PNPLA6: variants seen among roughly 807,000 people sequenced by gnomAD.
PNPLA6 encodes the protein patatin like domain 6, lysophospholipase.
A neutral mutation model predicts 153.7 loss-of-function variants in PNPLA6; 105 were observed. The ratio of observed to expected loss-of-function variants is 0.68; its 90% confidence interval spans 0.58 to 0.80. PNPLA6 has a LOEUF of 0.80. Ranked by LOEUF, PNPLA6 falls within the 30% of genes least tolerant of loss-of-function variation. The probability of loss-of-function intolerance (pLI) is 0.00; values close to 1 mark genes in which losing one functional copy is unlikely to be tolerated. For missense variants in PNPLA6, 1,423 were observed against 1,919.3 expected, an observed-to-expected ratio of 0.74 and a Z score of 4.83; for synonymous variants, 825 against 822.2, an observed-to-expected ratio of 1.00 and a Z score of -0.06.
chr19:7,541,759 T>C lies in PNPLA6; in HGVS notation c.1168+75T>C. ...TCTCAGCCGCCAGCCCCTTTTTCAG[T>C]TCTGCATAGAGTCAACCTGACCTTG... On this transcript the variant is annotated intron_variant, in intron 9 of 31. Coordinates refer to ENST00000600737, the MANE Select transcript of PNPLA6 (RefSeq NM_001166114.2). This position sits in a 1 kb window ranked among gnomAD's most constrained non-coding sequence, Gnocchi z 5.2. 6.8e-7 allele frequency: 1 copy of C among 1,480,974 alleles called. No individual in the cohort carries two copies. Among genetic ancestry groups the C allele is most frequent in the Non-Finnish European group, 9.1e-7 (1 of 1,095,130 alleles). The allele number at this position is 1,480,974 out of a possible 1,614,324, so 91.7% of individuals were successfully genotyped here.
chr19:7,559,228 GA>G (rs1194450802), intron 28 of PNPLA6, 77 bp downstream of exon 28: 4 of 1,250,532 alleles, frequency 3.2e-6, no homozygotes, highest in Admixed American at 1.7e-5. Flanking sequence ...AGAGTGGTAT[GA>G]GGGGGAGGAA....
rs1312058418 is a variant in PNPLA6, at chr19:7,539,915, C to T, written c.414-3C>T. Reference sequence around the variant, plus strand: ...ACCCCCGGCACCCCTCCCCTCCCACCAGGATCCTGCGCATCCAGAAAGAGA... The same window carrying T: ...ACCCCCGGCACCCCTCCCCTCCCACTAGGATCCTGCGCATCCAGAAAGAGA... On this transcript the variant is annotated splice_polypyrimidine_tract_variant and splice_region_variant and intron_variant, in intron 3 of 31. Coordinates refer to ENST00000600737, the MANE Select transcript of PNPLA6 (RefSeq NM_001166114.2). 1 of 1,543,216 alleles carries T rather than the reference C, an allele frequency of 6.5e-7. No homozygotes were observed. The highest frequency in any genetic ancestry group is 8.7e-7 in the Non-Finnish European group (1 of 1,147,158).
In PNPLA6 at chr19:7,553,903, G is replaced by A. The variant is rs771388697; in HGVS notation, c.2289G>A (p.Ser763=). 11 of 1,614,208 alleles carry A rather than the reference G, an allele frequency of 6.8e-6. No individual in the cohort carries two copies. Among genetic ancestry groups the A allele is most frequent in the South Asian group, 2.2e-5 (2 of 91,082 alleles). ...CTGGGTTGGGTGTGCCCCCACACTC[G>A]GAACTCACCAACCCAGCCAGCAACC... ...PGSGLGVPPH[S]ELTNPASNLA... is the part of the protein sequence containing the mutation. Residue 763 remains serine (S), a synonymous_variant, in exon 19 of 32, where the codon TCG becomes TCA. Transcript: ENST00000600737.
Position 7,556,908 on chromosome 19 carries a change from G to C in PNPLA6, c.3280+184G>C. 8.7e-6 allele frequency: 6 copies of C among 692,324 alleles called. No individual in the cohort carries two copies. The Admixed American group carries it at 1.2e-4, about 14-fold the overall frequency. The allele number at this position is 692,324 out of a possible 1,614,324, so 42.9% of individuals were successfully genotyped here. A position where few individuals can be genotyped will look rare whatever the true frequency, so the allele number is the denominator to read the frequency against. On this transcript the variant is annotated intron_variant, in intron 26 of 31. Transcript: ENST00000600737. ...GAGACCCCAGGTACGTCCGTCCTTGGGGGAGGGGAGCAGGGAGACTCGTCG... is the reference window on the plus strand; with the variant it reads ...GAGACCCCAGGTACGTCCGTCCTTGCGGGAGGGGAGCAGGGAGACTCGTCG...
chr19:7,560,857 C>T (rs982891348), intron 29 of PNPLA6, 93 bp downstream of exon 29: 6 of 923,472 alleles, frequency 6.5e-6, no homozygotes, highest in Non-Finnish European at 1.1e-5. Flanking sequence ...GATGACCCCA[C>T]ATGTCCCTGG....
rs1241718210 is a variant in PNPLA6 at position 7,545,043 on chromosome 19, C to T, written c.1608+1959C>T. 1.4e-4 allele frequency among the ~76,000 whole-genome samples: 21 copies of T among 146,872 alleles called. No individual in the cohort carries two copies. The South Asian group carries it at 3.9e-3, about 27-fold the overall frequency. ...TCTCCTTGAAACTTTTTTTTTTTTT[C>T]GGAGACGGAGTCTTGCTCTGTCGCC... On this transcript the variant is annotated intron_variant, in intron 13 of 31. Coordinates refer to ENST00000600737, the MANE Select transcript of PNPLA6 (RefSeq NM_001166114.2).
At position 7,551,342 on chromosome 19, in the gene PNPLA6, C is replaced by G. The variant is rs2023642040; in HGVS notation, c.2185-20C>G. On this transcript the variant is annotated intron_variant, in intron 17 of 31. Transcript: ENST00000600737. ...CCGCTTCCCAGGTCTCACTGAAATG[C>G]CGGCCTCCAACGCCCCCAGGTCGTG... The G allele has an allele frequency of 2.5e-6, 4 of 1,612,266 alleles. No homozygotes were observed. In the South Asian group the frequency reaches 3.3e-5, roughly 13 times the overall value.
At chr19:7,534,486 C>T (rs1468467811), upstream of PNPLA6, 7 of 155,816 alleles carry the variant, frequency 4.5e-5, no homozygotes, top group Admixed American at 3.1e-4. Context: ...TCTCCCGGCC[C>T]CCGAATTTCC....
At chr19:7,548,638 G>C (rs190494838) in intron 13 of PNPLA6, among the ~76,000 whole-genome samples, 6 of 151,744 alleles carry the variant, frequency 4.0e-5, no homozygotes, top group Non-Finnish European at 8.8e-5. Flanking sequence ...AATGGTCTGC[G>C]CAGGTGCAAT....
In PNPLA6 at chr19:7,551,283, C is replaced by G. The variant is rs2023638782; in HGVS notation, c.2185-79C>G. The stretch of plus-strand genomic sequence containing the variant: ...ACCCAGGTAACGGGCACCCAGGAGC[C>G]CCGGCATAGGAGGGAGAGGTGGGAC... On this transcript the variant is annotated intron_variant, in intron 17 of 31. Coordinates refer to ENST00000600737, the MANE Select transcript of PNPLA6 (RefSeq NM_001166114.2). 2.8e-6 allele frequency: 4 copies of G among 1,444,334 alleles called. No homozygotes were observed. The South Asian group carries it at 4.6e-5, about 17-fold the overall frequency. 89.5% of individuals were successfully genotyped at this position (1,444,334 alleles called of 1,614,324 possible). A position where few individuals can be genotyped will look rare whatever the true frequency, so the allele number is the denominator to read the frequency against.
chr19:7,538,635 A>T (rs2146045131), intron 3 of PNPLA6, among the ~76,000 whole-genome samples: 1 of 152,256 alleles, frequency 6.6e-6, no homozygotes, highest in Admixed American at 6.5e-5. Flanking sequence ...GTCCACGATT[A>T]GCAGAGGGGC....
At chr19:7,556,918 G>A in intron 26 of PNPLA6, 194 bp downstream of exon 26, 1 of 689,070 alleles carries the variant, frequency 1.5e-6, no homozygotes, top group South Asian at 1.5e-5. Flanking sequence ...GGGGAGGGGA[G>A]CAGGGAGACT....
At chr19:7,536,592 G>T in intron 3 of PNPLA6, 46 bp downstream of exon 3, 3 of 1,246,788 alleles carry the variant, frequency 2.4e-6, no homozygotes, top group Non-Finnish European at 3.5e-6. Context: ...TTATCTCAGG[G>T]GCCTTTTGAG....
intron 18 of PNPLA6, among the ~76,000 whole-genome samples, chr19:7,551,776 G>C (rs1259306505): frequency 1.3e-5 from 2 of 152,136 alleles, no homozygotes; most frequent in African/African-American, 2.4e-5. Context: ...CCACGGCCTG[G>C]ACGTTGAGAG....
At position 7,541,616 on chromosome 19, in the gene PNPLA6, C is replaced by T; in HGVS notation, c.1100C>T (p.Thr367Ile). The T allele has an allele frequency of 6.3e-7, 1 of 1,590,462 alleles. No individual in the cohort carries two copies. The highest frequency in any genetic ancestry group is 1.8e-5 in the Admixed American group (1 of 56,806). The part of the protein sequence containing the change: ...GSKRMVSTSA[T>I]DEPRETPGRP... ...AAGAGAATGGTCAGCACCTCAGCTA[C>T]AGACGAGCCCAGGGAGACCCCAGGG... The change falls in exon 9 of 32, where the codon ACA (threonine) becomes ATA (isoleucine). Residue 367 changes from threonine to isoleucine, a missense_variant. By Grantham distance (89) the Thr-to-Ile change is moderately conservative. This residue lies in a region of PNPLA6 where 267 missense variants were observed against 255.1 expected (regional missense o/e 1.05). Transcript: ENST00000600737. This position sits in a 1 kb window ranked among gnomAD's most constrained non-coding sequence, Gnocchi z 5.2.
Position 7,561,211 on chromosome 19 carries a change from A to G in PNPLA6, c.3917A>G (p.Glu1306Gly), listed in dbSNP as rs141102875. The G allele has an allele frequency of 1.9e-6, 3 of 1,607,378 alleles. No individual in the cohort carries two copies. The highest frequency in any genetic ancestry group is 1.7e-6 in the Non-Finnish European group (2 of 1,176,922). The change falls in exon 31 of 32, where the codon GAG becomes GGG. Residue 1306 changes from glutamate (E) to glycine (G), a missense_variant. Glu to Gly is a moderately conservative substitution (Grantham distance 98). Around this residue, in one of 10 missense-constraint regions of PNPLA6, gnomAD observed 643 missense variants for 835.2 expected, o/e 0.77. Coordinates refer to ENST00000600737, the MANE Select transcript of PNPLA6 (RefSeq NM_001166114.2). ...GTGCCCTGCTCCCCGATTCCAGGAGAGGAGTCAGATTGTCTGACAGAGTAT... is the reference window on the plus strand; with the variant it reads ...GTGCCCTGCTCCCCGATTCCAGGAGGGGAGTCAGATTGTCTGACAGAGTAT... ...SYVSDGCADG[E>G]ESDCLTEYEE...
intron 13 of PNPLA6, among the ~76,000 whole-genome samples, chr19:7,546,120 G>A (rs556876722): frequency 2.6e-5 from 4 of 152,262 alleles, no homozygotes; most frequent in African/African-American, 9.6e-5. Flanking sequence ...TAAGAAGGAA[G>A]GAGGGGGAGG....
At chr19:7,543,217 A>G (rs1401014586) in intron 13 of PNPLA6, 133 bp downstream of exon 13, 2 of 828,208 alleles carry the variant, frequency 2.4e-6, no homozygotes, top group Non-Finnish European at 4.1e-6. Flanking sequence ...TCATCCTATC[A>G]TTTCCAACCT....
chr19:7,555,127 C>T lies in PNPLA6; in HGVS notation c.2817+52C>T, dbSNP rs2023815803. On this transcript the variant is annotated intron_variant, in intron 22 of 31. Transcript: ENST00000600737. This position sits in a 1 kb window ranked among gnomAD's most constrained non-coding sequence, Gnocchi z 6.3. ...CTAGGGGCGTGGCTGGTGGGCGAGG[C>T]TTGGGAGACTGGGGCGGGGCCTGGG... is the stretch of plus-strand genomic sequence containing the variant. 3 of 1,566,686 alleles carry T rather than the reference C, an allele frequency of 1.9e-6. No homozygotes were observed. Among genetic ancestry groups the T allele is most frequent in the Non-Finnish European group, 2.6e-6 (3 of 1,161,382 alleles).
Sources: allele counts gnomAD v4.1 joint callset (sites outside exome capture counted in the v4.1 genomes callset), GRCh38; gene constraint gnomAD v4.1.1; regional missense constraint gnomAD v4.1.1; non-coding constraint Gnocchi (gnomAD v3.1); transcripts MANE v1.5; gene names NCBI Gene and HGNC (gene_info 2026-07-23, HGNC 2026-07-21).